Variants in TGFBR3 observed in about 807,000 individuals in gnomAD.
TGFBR3 encodes the protein transforming growth factor beta receptor 3.
A neutral mutation model predicts 87.9 loss-of-function variants in TGFBR3; 46 were observed. The observed-to-expected ratio is 0.52, with a 90% CI of 0.41 to 0.67. TGFBR3 has a LOEUF of 0.67. Among genes scored for constraint, TGFBR3 ranks in the 30% least tolerant of loss-of-function variants. TGFBR3 has a pLI of 0.00. For synonymous variants in TGFBR3, 381 were observed against 391.6 expected, an observed-to-expected ratio of 0.97 and a Z score of 0.32; for missense variants, 866 against 1,041.9, an observed-to-expected ratio of 0.83 and a Z score of 2.32.
At position 91,905,495 on chromosome 1, in the gene TGFBR3, C is replaced by A. The variant is rs17882963; in HGVS notation, c.-175+331G>T. Among the ~76,000 whole-genome samples, 2 of 152,152 alleles carry A rather than the reference C, an allele frequency of 1.3e-5. 1 individual carries two copies. Among genetic ancestry groups the A allele is most frequent in the South Asian group, 4.1e-4 (2 of 4,830 alleles). The stretch of plus-strand genomic sequence containing the variant: ...TTGCCCAGGCTGAAGTGCAGTGGCA[C>A]GACCTCGGCTCACTGCAACGTCGGC... On this transcript the variant is annotated intron_variant, in intron 1 of 17. Coordinates refer to the TGFBR3 transcript ENST00000370399.
intron 3 of TGFBR3, among the ~76,000 whole-genome samples, chr1:91,765,055 T>G (rs1208812801): frequency 6.6e-6 from 1 of 152,096 alleles, no homozygotes; most frequent in Non-Finnish European, 1.5e-5. Context: ...TTTTGCAATT[T>G]TTTTTTCTTT....
In TGFBR3 at chr1:91,707,908, G is replaced by A. The variant is rs936629740; in HGVS notation, c.2287+755C>T. ...GTCCTTGTCAGATGCTCTTCTCACCGCCCACAGGGCCTCATATCCACTCCT... is the reference window on the plus strand; with the variant it reads ...GTCCTTGTCAGATGCTCTTCTCACCACCCACAGGGCCTCATATCCACTCCT... On this transcript the variant is annotated intron_variant, in intron 14 of 16. Coordinates refer to ENST00000212355, the MANE Select transcript of TGFBR3 (RefSeq NM_003243.5). 4.6e-5 allele frequency among the ~76,000 whole-genome samples: 7 copies of A among 152,204 alleles called. No homozygotes were observed. In the East Asian group the frequency reaches 9.7e-4, roughly 21 times the overall value.
chr1:91,855,350 C>T (rs549951979), intron 2 of TGFBR3, among the ~76,000 whole-genome samples: 3 of 152,288 alleles, frequency 2.0e-5, no homozygotes, highest in East Asian at 1.9e-4. Flanking sequence ...CTCAGCGGCA[C>T]CCCTCTCACC....
intron 14 of TGFBR3, among the ~76,000 whole-genome samples, chr1:91,702,994 G>A (rs893394663): frequency 2.0e-5 from 3 of 152,036 alleles, no homozygotes; most frequent in African/African-American, 7.2e-5. Flanking sequence ...GCAGTGAGCC[G>A]AGATTGCGCC....
At chr1:91,780,910 CACACACACACACACACACACACAG>C (rs1313751716) in intron 3 of TGFBR3, among the ~76,000 whole-genome samples, 2 of 151,036 alleles carry the variant, frequency 1.3e-5, no homozygotes, top group Admixed American at 1.3e-4. Flanking sequence ...CACACACACA[CACACACACACACACACACACACAG>C]AGATCTCATC....
At position 91,801,099 on chromosome 1, in the gene TGFBR3, A is replaced by AAAAG. The variant is rs58454913; in HGVS notation, c.62-3629_62-3628insCTTT. The AAAAG allele has an allele frequency of 9.0e-3, 1,584 of 175,074 alleles. 20 individuals carry two copies. The highest frequency in any genetic ancestry group is 0.028 in the African/African-American group (1,000 of 36,072). 10.8% of individuals were successfully genotyped at this position (175,074 alleles called of 1,614,324 possible). A position where few individuals can be genotyped will look rare whatever the true frequency, so the allele number is the denominator to read the frequency against. On this transcript the variant is annotated intron_variant, in intron 2 of 16. Transcript: ENST00000212355. The stretch of plus-strand genomic sequence containing the variant: ...ACTCTGTCTCAAAAAAAAAAAAAAA[A>AAAAG]AGAGAGAGAGAGAGAGACTGCTCCC...
intron 5 of TGFBR3, among the ~76,000 whole-genome samples, chr1:91,730,402 C>A (rs992736634): frequency 1.3e-5 from 2 of 152,046 alleles, no homozygotes; most frequent in African/African-American, 4.8e-5. Context: ...CAATATAAAC[C>A]AAGGCTAAGA....
rs568062573 is a variant in TGFBR3, at chr1:91,730,601, T to C, written c.569-628A>G. ...ACTTATGTATTTCATGGTCAGCGTA[T>C]TTAACATTCAATCCATTCTATCCCC... On this transcript the variant is annotated intron_variant, in intron 5 of 16. Transcript: ENST00000212355. Among the ~76,000 whole-genome samples, 4 of 152,338 alleles carry C rather than the reference T, an allele frequency of 2.6e-5. No individual in the cohort carries two copies. The East Asian group carries it at 7.7e-4, about 29-fold the overall frequency.
At chr1:91,692,726 G>A (rs955698865) in intron 16 of TGFBR3, among the ~76,000 whole-genome samples, 12 of 152,162 alleles carry the variant, frequency 7.9e-5, no homozygotes, top group African/African-American at 2.9e-4. Context: ...CCAGCCTTAA[G>A]GGAATATCTC....
intron 13 of TGFBR3, among the ~76,000 whole-genome samples, chr1:91,711,573 T>C (rs182981443): frequency 1.3e-5 from 2 of 152,372 alleles, no homozygotes; most frequent in South Asian, 2.1e-4. Context: ...TACATAATTA[T>C]GGCAGATCAC....
intron 2 of TGFBR3, among the ~76,000 whole-genome samples, chr1:91,858,124 T>TA (rs1296618614): frequency 2.0e-5 from 3 of 152,166 alleles, no homozygotes; most frequent in Non-Finnish European, 4.4e-5. Flanking sequence ...CTATATTTCT[T>TA]AGAGTATTTA....
At chr1:91,740,831 TGTA>T (rs1673135590) in intron 4 of TGFBR3, among the ~76,000 whole-genome samples, 1 of 152,204 alleles carries the variant, frequency 6.6e-6, no homozygotes. Context: ...GAGTCTGGCT[TGTA>T]GAAGAACATA....
In TGFBR3 at chr1:91,710,692, A is replaced by C. The variant is rs138800762; in HGVS notation, c.2166+1551T>G. On this transcript the variant is annotated intron_variant, in intron 13 of 16. Coordinates refer to ENST00000212355, the MANE Select transcript of TGFBR3 (RefSeq NM_003243.5). The stretch of plus-strand genomic sequence containing the variant: ...GCCAGATAAAGGGCTGTCATTGTAC[A>C]TACTGTCCTATTTGCTCCTCTACCC... Among the ~76,000 whole-genome samples, 60 of 152,320 alleles carry C rather than the reference A, an allele frequency of 3.9e-4. 1 individual carries two copies. The South Asian group carries it at 7.7e-3, about 19-fold the overall frequency.
intron 2 of TGFBR3, among the ~76,000 whole-genome samples, chr1:91,849,159 A>C (rs11466563): frequency 0.042 from 6,326 of 152,072 alleles, 182 homozygotes; most frequent in Non-Finnish European, 0.065. Flanking sequence ...CTCCAAATCC[A>C]CCTTTGCCCA....
chr1:91,785,525 C>T (rs571515754), intron 3 of TGFBR3, among the ~76,000 whole-genome samples: 1 of 152,272 alleles, frequency 6.6e-6, no homozygotes, highest in South Asian at 2.1e-4. Flanking sequence ...ATTTTAAAAA[C>T]ACAAACAGGC....
chr1:91,775,191 G>A (rs972127839), intron 3 of TGFBR3, among the ~76,000 whole-genome samples: 3 of 152,088 alleles, frequency 2.0e-5, no homozygotes, highest in Non-Finnish European at 4.4e-5. Flanking sequence ...TAGCAAACAC[G>A]GACTCCCCAA....
At chr1:91,868,627 A>T (rs547588748) in intron 1 of TGFBR3, among the ~76,000 whole-genome samples, 1 of 152,284 alleles carries the variant, frequency 6.6e-6, no homozygotes, top group South Asian at 2.1e-4. Context: ...CACCAAACCA[A>T]CCAAGCTACC....
At chr1:91,713,697 A>C (rs1247202974) in intron 12 of TGFBR3, among the ~76,000 whole-genome samples, 1 of 152,228 alleles carries the variant, frequency 6.6e-6, no homozygotes, top group Non-Finnish European at 1.5e-5. Context: ...CTCAACAGTG[A>C]AAATGCTAAT....
Position 91,705,380 on chromosome 1 carries a change from C to T in TGFBR3, c.2287+3283G>A, listed in dbSNP as rs542793185. On this transcript the variant is annotated intron_variant, in intron 14 of 16. Coordinates refer to ENST00000212355, the MANE Select transcript of TGFBR3 (RefSeq NM_003243.5). The stretch of plus-strand genomic sequence containing the variant: ...CTGGGATTACAGGCGTGTGCCATGA[C>T]GCCTGGCTAATTTTTTTGGTTTTTT... 9.9e-5 allele frequency among the ~76,000 whole-genome samples: 15 copies of T among 151,928 alleles called. No individual in the cohort carries two copies. In the East Asian group the frequency reaches 1.9e-3, roughly 20 times the overall value.
Sources: allele counts gnomAD v4.1 joint callset (sites outside exome capture counted in the v4.1 genomes callset), GRCh38; gene constraint gnomAD v4.1.1; transcripts MANE v1.5; gene names NCBI Gene and HGNC (gene_info 2026-07-23, HGNC 2026-07-21).